KIAA1549L: variants seen among roughly 807,000 people sequenced by gnomAD.
KIAA1549L encodes UPF0606 protein KIAA1549L.
KIAA1549L carries 88 observed loss-of-function variants against 160.7 expected under a neutral mutation model. The observed-to-expected ratio is 0.55, with a 90% confidence interval of 0.46 to 0.65. The LOEUF (loss-of-function observed/expected upper bound fraction) is 0.65, where lower values mean the gene tolerates loss of function less well. Ranked by LOEUF, KIAA1549L falls within the 30% of genes least tolerant of loss-of-function variation. KIAA1549L has a pLI of 0.00. For synonymous variants in KIAA1549L, 950 were observed against 976.7 expected (o/e 0.97, Z 0.51); for missense variants, 2,258 against 2,437.5 (o/e 0.93, Z 1.55).
intron 1 of KIAA1549L, among the ~76,000 whole-genome samples, chr11:33,415,135 T>C (rs1011427649): frequency 2.6e-5 from 4 of 151,958 alleles, no homozygotes; most frequent in African/African-American, 9.7e-5. Flanking sequence ...TTTCCCTGCT[T>C]CTTGCTCCAG....
intron 12 of KIAA1549L, among the ~76,000 whole-genome samples, chr11:33,591,878 C>T (rs953539552): frequency 3.3e-5 from 5 of 152,070 alleles, no homozygotes; most frequent in African/African-American, 1.2e-4. Context: ...GATTTGTGAC[C>T]CCAGGAGTCT....
chr11:33,433,585 C>G (rs999254240), intron 1 of KIAA1549L, among the ~76,000 whole-genome samples: 1 of 152,202 alleles, frequency 6.6e-6, no homozygotes, highest in Non-Finnish European at 1.5e-5. Context: ...AATCCCATTA[C>G]TGGATATATA....
At chr11:33,664,861 C>T (rs1427233456) in intron 20 of KIAA1549L, among the ~76,000 whole-genome samples, 2 of 152,248 alleles carry the variant, frequency 1.3e-5, no homozygotes, top group South Asian at 2.1e-4. Context: ...CCTGCTCCAT[C>T]CTCCCTTAGG....
At chr11:33,412,668 TTAGAAAACGGA>T (rs1431153851) in intron 1 of KIAA1549L, among the ~76,000 whole-genome samples, 4 of 152,206 alleles carry the variant, frequency 2.6e-5, no homozygotes, top group Non-Finnish European at 5.9e-5. Flanking sequence ...TCACCCATGA[TTAGAAAACGGA>T]TAGCTTCTCC....
At chr11:33,578,004 G>A (rs1322040193) in intron 10 of KIAA1549L, among the ~76,000 whole-genome samples, 1 of 152,132 alleles carries the variant, frequency 6.6e-6, no homozygotes, top group Non-Finnish European at 1.5e-5. Flanking sequence ...TTCTCAAAAT[G>A]ACATTTTTAG....
chr11:33,415,827 G>A (rs945661150), intron 1 of KIAA1549L, among the ~76,000 whole-genome samples: 1 of 151,832 alleles, frequency 6.6e-6, no homozygotes, highest in Non-Finnish European at 1.5e-5. Context: ...TTTTTGAGAC[G>A]GAGTTTCACT....
intron 10 of KIAA1549L, among the ~76,000 whole-genome samples, chr11:33,577,206 T>C (rs1378797049): frequency 6.6e-6 from 1 of 151,994 alleles, no homozygotes; most frequent in Non-Finnish European, 1.5e-5. Context: ...ATTAAGGGGA[T>C]TGGAGGTTGT....
At position 33,534,249 on chromosome 11, in the gene KIAA1549L, AT is replaced by A. The variant is rs57841189; in HGVS notation, c.239-7539del. On this transcript the variant is annotated intron_variant, in intron 1 of 20. Transcript: ENST00000658780. Reference sequence around the variant, plus strand: ...AGGTTCCCACCACCACGCCCAGCTAATTTTTTTTTTTTTTGTATTTTTTGTA... The same window carrying A: ...AGGTTCCCACCACCACGCCCAGCTAATTTTTTTTTTTTTGTATTTTTTGTA... 7.1e-3 allele frequency among the ~76,000 whole-genome samples: 1,004 copies of A among 142,258 alleles called. 3 individuals carry two copies. The highest frequency in any genetic ancestry group is 0.025 in the Middle Eastern group (7 of 276). 93.3% of individuals were successfully genotyped at this position (142,258 alleles called of 152,430 possible).
intron 1 of KIAA1549L, among the ~76,000 whole-genome samples, chr11:33,388,033 A>G (rs1850206574): frequency 6.6e-6 from 1 of 152,200 alleles, no homozygotes; most frequent in South Asian, 2.1e-4. Context: ...AAAGTAATAT[A>G]TATTTTATTA....
intron 10 of KIAA1549L, among the ~76,000 whole-genome samples, chr11:33,576,613 G>T (rs1855456538): frequency 6.6e-6 from 1 of 152,164 alleles, no homozygotes; most frequent in Non-Finnish European, 1.5e-5. Flanking sequence ...AGAGCTGAAG[G>T]TACTAAAAGT....
chr11:33,634,133 C>T (rs1405967598), intron 16 of KIAA1549L, among the ~76,000 whole-genome samples: 1 of 151,944 alleles, frequency 6.6e-6, no homozygotes, highest in African/African-American at 2.4e-5. Flanking sequence ...ACTTCTGCCT[C>T]CCGGGTTCAA....
At chr11:33,435,681 T>C (rs1282609073) in intron 1 of KIAA1549L, among the ~76,000 whole-genome samples, 1 of 146,926 alleles carries the variant, frequency 6.8e-6, no homozygotes, top group South Asian at 2.2e-4. Flanking sequence ...GTCCTGAGTA[T>C]TATCTAATTT....
At chr11:33,564,167 T>C (rs1281857443) in intron 8 of KIAA1549L, among the ~76,000 whole-genome samples, 1 of 152,180 alleles carries the variant, frequency 6.6e-6, no homozygotes, top group Non-Finnish European at 1.5e-5. Context: ...TCATCCTGCC[T>C]TCCCTTTGAC....
At chr11:33,658,638 T>C in intron 18 of KIAA1549L, 112 bp from the exon 19 acceptor site, 1 of 1,080,752 alleles carries the variant, frequency 9.3e-7, no homozygotes, top group Non-Finnish European at 1.3e-6. Flanking sequence ...GGGGACCTCA[T>C]GAGGCTTGGA....
At chr11:33,614,531 G>GCTATGTATATAT (rs879500574) in intron 15 of KIAA1549L, among the ~76,000 whole-genome samples, 1 of 27,104 alleles carries the variant, frequency 3.7e-5, no homozygotes. Context: ...AGTGTAACAA[G>GCTATGTATATAT]ATATATATAT....
In KIAA1549L at chr11:33,611,688, A is replaced by G. The variant is rs530698281; in HGVS notation, c.5279+1722A>G. On this transcript the variant is annotated intron_variant, in intron 15 of 20. Coordinates refer to ENST00000658780, the MANE Select transcript of KIAA1549L (RefSeq NM_012194.3). ...GTTTTACTTCAGTGGTCTTTGGGATAGGAGCTGGGATGGGAGCTGTTTTTC... is the reference window on the plus strand; with the variant it reads ...GTTTTACTTCAGTGGTCTTTGGGATGGGAGCTGGGATGGGAGCTGTTTTTC... 4.6e-5 allele frequency among the ~76,000 whole-genome samples: 7 copies of G among 152,292 alleles called. No individual in the cohort carries two copies. The East Asian group carries it at 1.4e-3, about 29-fold the overall frequency.
chr11:33,544,275 T>G lies in KIAA1549L; in HGVS notation c.2712T>G (p.Ser904Arg). Residue 904 changes from serine to arginine, a missense_variant, in exon 2 of 21, where the codon AGT becomes AGG. By Grantham distance (110) the Ser-to-Arg change is moderately radical. This residue lies in a region of KIAA1549L where 287 missense variants were observed against 292.3 expected (regional missense o/e 0.98). Transcript: ENST00000658780. ...CTGCTGAATCTTCTATATCGACCAG[T>G]GTCTTTCCCAGGACCTCCTCCAGAG... is the stretch of plus-strand genomic sequence containing the variant. The part of the protein sequence containing the change: ...HSAAESSIST[S>R]VFPRTSSRVL... 6.2e-7 allele frequency: 1 copy of G among 1,613,974 alleles called. No homozygotes were observed. Among genetic ancestry groups the G allele is most frequent in the Non-Finnish European group, 8.5e-7 (1 of 1,179,886 alleles).
chr11:33,431,275 G>GA (rs1297164569), intron 1 of KIAA1549L, among the ~76,000 whole-genome samples: 1 of 152,026 alleles, frequency 6.6e-6, no homozygotes, highest in Non-Finnish European at 1.5e-5. Context: ...CAGTGTGGAA[G>GA]GGGACCCGAG....
At position 33,672,437 on chromosome 11, in the gene KIAA1549L, C is replaced by T. The variant is rs1038308605; in HGVS notation, c.*4283C>T. 6.6e-6 allele frequency: 1 copy of T among 152,406 alleles called. No homozygotes were observed. Among genetic ancestry groups the T allele is most frequent in the African/African-American group, 2.4e-5 (1 of 41,418 alleles). 9.4% of individuals were successfully genotyped at this position (152,406 alleles called of 1,614,324 possible). ...CAGGTGCCTGTCCAATCACCTGTTA[C>T]CAAGGAGGCAGGGCCGTGTCATTTA... On this transcript the variant is annotated 3_prime_UTR_variant, in exon 21 of 21. Coordinates refer to ENST00000658780, the MANE Select transcript of KIAA1549L (RefSeq NM_012194.3).
Sources: gnomAD v4.1 joint callset for allele counts (sites outside exome capture counted in the v4.1 genomes callset) on GRCh38, gnomAD v4.1.1 for gene constraint, gnomAD v4.1.1 regional missense constraint, MANE v1.5 for transcripts, NCBI Gene and HGNC (gene_info 2026-07-23, HGNC 2026-07-21) for gene names.